The following WDR27 variants were observed in gnomAD, a reference collection of about 807,000 sequenced individuals.
The protein encoded by WDR27 is WD repeat-containing protein 27.
WDR27 carries 100 observed loss-of-function variants against 114.4 expected under a neutral mutation model. That is an observed-to-expected ratio of 0.87 (90% CI 0.74 to 1.03). The LOEUF is 1.03. WDR27 is among the 50% of genes least tolerant of loss of function. The pLI is 0.00. For missense variants in WDR27, 1,129 were observed against 1,092.9 expected (o/e 1.03, Z -0.47); for synonymous variants, 449 against 423.1 (o/e 1.06, Z -0.75).
chr6:169,446,175 G>C, the WDR27 span, among the ~76,000 whole-genome samples: 2 of 152,242 alleles, frequency 1.3e-5, no homozygotes. Flanking sequence ...CTGCTGAGCT[G>C]CCGTGCAGCA....
intron 1 of WDR27, among the ~76,000 whole-genome samples, chr6:169,696,162 T>C (rs138577587): frequency 5.9e-5 from 9 of 152,288 alleles, no homozygotes; most frequent in Admixed American, 5.9e-4. Flanking sequence ...ATGAAAACTG[T>C]AGAAACGAAA....
At chr6:169,625,632 G>A (rs539148925) in intron 21 of WDR27, among the ~76,000 whole-genome samples, 2 of 152,228 alleles carry the variant, frequency 1.3e-5, no homozygotes, top group Non-Finnish European at 2.9e-5. Context: ...CTGTCAGGTG[G>A]GTGCAGTCAG....
chr6:169,685,688 A>G (rs1447608385), intron 2 of WDR27, among the ~76,000 whole-genome samples: 1 of 152,192 alleles, frequency 6.6e-6, no homozygotes, highest in Non-Finnish European at 1.5e-5. Flanking sequence ...AGAATAAAAA[A>G]GAATAAAGCC....
intron 21 of WDR27, among the ~76,000 whole-genome samples, chr6:169,618,341 G>A (rs1179338121): frequency 6.6e-6 from 1 of 152,068 alleles, no homozygotes; most frequent in Non-Finnish European, 1.5e-5. Flanking sequence ...GCAAAGAGTA[G>A]TATCCTATCA....
At chr6:169,593,073 G>C (rs1192805781) in intron 23 of WDR27, among the ~76,000 whole-genome samples, 3 of 152,150 alleles carry the variant, frequency 2.0e-5, no homozygotes, top group Non-Finnish European at 4.4e-5. Context: ...CTTTTCAATT[G>C]ATATTCATAA....
rs149828880 is a variant in WDR27, at chr6:169,648,589, T to C, written c.1559+609A>G. 2.0e-3 allele frequency among the ~76,000 whole-genome samples: 300 copies of C among 152,356 alleles called. 1 individual carries two copies. Among genetic ancestry groups the C allele is most frequent in the African/African-American group, 7.0e-3 (289 of 41,582 alleles). ...ATGCAGTGAATGCGGGCAAAATCAATATTGGCGCTCTGTAATGCAGTGATT... is the reference window on the plus strand; with the variant it reads ...ATGCAGTGAATGCGGGCAAAATCAACATTGGCGCTCTGTAATGCAGTGATT... On this transcript the variant is annotated intron_variant, in intron 15 of 25. Coordinates refer to ENST00000448612, the MANE Select transcript of WDR27 (RefSeq NM_182552.5).
At chr6:169,592,377 GA>G (rs561853124) in intron 23 of WDR27, among the ~76,000 whole-genome samples, 199 of 152,038 alleles carry the variant, frequency 1.3e-3, no homozygotes, top group African/African-American at 4.6e-3. Flanking sequence ...ACTTCTGGGG[GA>G]AAAAAATGTT....
the WDR27 span, among the ~76,000 whole-genome samples, chr6:169,429,151 G>A: frequency 6.6e-6 from 1 of 152,104 alleles, no homozygotes; most frequent in Non-Finnish European, 1.5e-5. Context: ...CCCGAGGCTC[G>A]TGTTCTCTGT....
intron 25 of WDR27, among the ~76,000 whole-genome samples, chr6:169,480,629 T>G (rs978722261): frequency 2.6e-5 from 4 of 151,544 alleles, no homozygotes; most frequent in Non-Finnish European, 4.4e-5. Flanking sequence ...CTAGCTGATC[T>G]GGTGGGGACT....
intron 25 of WDR27, among the ~76,000 whole-genome samples, chr6:169,501,057 G>A (rs767908616): frequency 2.0e-5 from 3 of 152,208 alleles, no homozygotes; most frequent in Non-Finnish European, 4.4e-5. Context: ...AGAAGCCTCC[G>A]TGTGAGATCT....
chr6:169,643,686 A>G lies in WDR27; in HGVS notation c.1747+11T>C. 1 of 1,611,000 alleles carries G rather than the reference A, an allele frequency of 6.2e-7. No homozygotes were observed. Among genetic ancestry groups the G allele is most frequent in the East Asian group, 2.2e-5 (1 of 44,856 alleles). ...TAAGTTCATACTGACTGAAATTAAGACATGTTTTACCTGAAAACACAGCAG... is the reference window on the plus strand; with the variant it reads ...TAAGTTCATACTGACTGAAATTAAGGCATGTTTTACCTGAAAACACAGCAG... On this transcript the variant is annotated intron_variant, in intron 17 of 25. Transcript: ENST00000448612.
At chr6:169,573,142 C>T (rs115588480) in intron 24 of WDR27, among the ~76,000 whole-genome samples, 2,030 of 152,202 alleles carry the variant, frequency 0.013, 47 homozygotes, top group African/African-American at 0.047. Context: ...CCTCCGCCTT[C>T]GTCTGTGTCT....
chr6:169,431,617 T>C, the WDR27 span, among the ~76,000 whole-genome samples: 1 of 152,244 alleles, frequency 6.6e-6, no homozygotes, highest in Non-Finnish European at 1.5e-5. Flanking sequence ...TCCTGATGAG[T>C]ATGTACTTTA....
chr6:169,636,650 T>C (rs1305867657), intron 18 of WDR27, 146 bp from the exon 19 acceptor site: 14 of 752,608 alleles, frequency 1.9e-5, no homozygotes, highest in Non-Finnish European at 2.8e-5. Context: ...AATCTACAAT[T>C]TTTGTTTCTG....
chr6:169,454,230 T>G (rs1390738190), downstream of WDR27, among the ~76,000 whole-genome samples: 1 of 152,196 alleles, frequency 6.6e-6, no homozygotes, highest in African/African-American at 2.4e-5. Context: ...TATATGAAAT[T>G]GCTATTCAAA....
At chr6:169,661,478 C>T (rs1435220542) in intron 9 of WDR27, among the ~76,000 whole-genome samples, 1 of 152,200 alleles carries the variant, frequency 6.6e-6, no homozygotes, top group Non-Finnish European at 1.5e-5. Context: ...CCAGACCTCC[C>T]CTCTCCAGCT....
At position 169,695,499 on chromosome 6, in the gene WDR27, C is replaced by A. The variant is rs1785666281; in HGVS notation, c.-8+6052G>T. On this transcript the variant is annotated intron_variant, in intron 1 of 25. Coordinates refer to ENST00000448612, the MANE Select transcript of WDR27 (RefSeq NM_182552.5). ...AAGAAACAGACATCGCTTCTCTAAT[C>A]CACAGTGTGTCCATTTTAGAGGGTA... 2.6e-5 allele frequency among the ~76,000 whole-genome samples: 4 copies of A among 152,350 alleles called. 1 individual carries two copies. The Middle Eastern group carries it at 0.014, about 518-fold the overall frequency.
intron 13 of WDR27, among the ~76,000 whole-genome samples, chr6:169,653,568 A>G (rs951149123): frequency 6.6e-6 from 1 of 152,230 alleles, no homozygotes; most frequent in Non-Finnish European, 1.5e-5. Context: ...CATCATTACT[A>G]CATAGGACTT....
chr6:169,647,731 T>C (rs770821948), intron 16 of WDR27, 42 bp downstream of exon 16: 479 of 1,453,118 alleles, frequency 3.3e-4, no homozygotes, highest in Admixed American at 8.2e-4. Context: ...TCAAAGACTC[T>C]TACAATGAAA....
Sources: gnomAD v4.1 joint callset for allele counts (sites outside exome capture counted in the v4.1 genomes callset) on GRCh38, gnomAD v4.1.1 for gene constraint, MANE v1.5 for transcripts, NCBI Gene and HGNC (gene_info 2026-07-23, HGNC 2026-07-21) for gene names.